DZIP3: variants seen among roughly 807,000 people sequenced by gnomAD.
DZIP3 encodes the protein E3 ubiquitin-protein ligase DZIP3.
In DZIP3, 118 loss-of-function variants were observed where a neutral mutation model predicts 162.0. That is an observed-to-expected ratio of 0.73 (90% CI 0.63 to 0.85). The LOEUF (loss-of-function observed/expected upper bound fraction) is 0.85. Ranked by LOEUF, DZIP3 falls within the 40% of genes least tolerant of loss-of-function variation. The pLI is 0.00. For missense variants in DZIP3, 1,331 were observed against 1,407.0 expected (o/e 0.95, Z 0.86); for synonymous variants, 438 against 458.6 (o/e 0.96, Z 0.57).
At chr3:108,630,730 T>C (rs1465999268) in intron 8 of DZIP3, among the ~76,000 whole-genome samples, 13 of 152,034 alleles carry the variant, frequency 8.6e-5, no homozygotes, top group Admixed American at 7.2e-4. Flanking sequence ...GCTTTCTTTA[T>C]TATCTAACTT....
intron 8 of DZIP3, among the ~76,000 whole-genome samples, chr3:108,631,055 A>ACATACACTCTCT: frequency 5.6e-5 from 1 of 18,006 alleles, no homozygotes. Context: ...ACACACACAC[A>ACATACACTCTCT]CTCTCTCTCT....
At chr3:108,687,816 T>C (rs1944548259) in intron 28 of DZIP3, among the ~76,000 whole-genome samples, 160 bp from the exon 29 acceptor site, 1 of 152,214 alleles carries the variant, frequency 6.6e-6, no homozygotes, top group South Asian at 2.1e-4. Flanking sequence ...TAAATGCAGA[T>C]GGACCTGTGA....
At chr3:108,680,143 C>T (rs942424546) in intron 26 of DZIP3, among the ~76,000 whole-genome samples, 2 of 151,970 alleles carry the variant, frequency 1.3e-5, no homozygotes, top group Non-Finnish European at 1.5e-5. Flanking sequence ...AGGTACATAC[C>T]TCAACACAAT....
intron 15 of DZIP3, among the ~76,000 whole-genome samples, chr3:108,647,122 G>A (rs1942657556): frequency 6.6e-6 from 1 of 152,152 alleles, no homozygotes; most frequent in Non-Finnish European, 1.5e-5. Context: ...TCTGCCTTTG[G>A]CTTAGTGCAT....
At chr3:108,663,044 T>C (rs1943511133) in intron 21 of DZIP3, among the ~76,000 whole-genome samples, 1 of 152,150 alleles carries the variant, frequency 6.6e-6, no homozygotes, top group Non-Finnish European at 1.5e-5. Context: ...GGGGAAATAT[T>C]TGCCAGAGAT....
At chr3:108,652,873 A>G (rs1942927726) in intron 18 of DZIP3, among the ~76,000 whole-genome samples, 1 of 151,968 alleles carries the variant, frequency 6.6e-6, no homozygotes, top group Admixed American at 6.6e-5. Context: ...CCTAGGAGCA[A>G]TATGTGTAGT....
rs1219822298 is a variant in DZIP3, at chr3:108,688,113, AC to A, written c.3270+19del. The A allele has an allele frequency of 6.2e-7, 1 of 1,612,438 alleles. No homozygotes were observed. The highest frequency in any genetic ancestry group is 8.5e-7 in the Non-Finnish European group (1 of 1,179,022). ...AAGTCTCAGGTAAAATGCAAAAACA[AC>A]CAAAAAACCTGTATCTCTCTGCCCT... On this transcript the variant is annotated intron_variant, in intron 29 of 32. Coordinates refer to ENST00000361582, the MANE Select transcript of DZIP3 (RefSeq NM_014648.4).
At chr3:108,611,741 G>A (rs1304067941) in intron 4 of DZIP3, among the ~76,000 whole-genome samples, 4 of 152,132 alleles carry the variant, frequency 2.6e-5, no homozygotes, top group African/African-American at 4.8e-5. Context: ...CGAGGTGAGT[G>A]GATCACTGAG....
intron 12 of DZIP3, among the ~76,000 whole-genome samples, chr3:108,640,967 T>A (rs1226479093): frequency 6.6e-6 from 1 of 152,106 alleles, no homozygotes; most frequent in Non-Finnish European, 1.5e-5. Context: ...TTTATTCCAT[T>A]TGTATTTTCT....
intron 7 of DZIP3, among the ~76,000 whole-genome samples, chr3:108,627,878 A>G (rs931157016): frequency 5.9e-5 from 9 of 151,776 alleles, no homozygotes; most frequent in African/African-American, 2.2e-4. Context: ...GCAATGAGGT[A>G]AGGGAAGTTT....
At position 108,633,092 on chromosome 3, in the gene DZIP3, A is replaced by T. The variant is rs1261185374; in HGVS notation, c.816+20A>T. The T allele has an allele frequency of 2.3e-6, 3 of 1,314,510 alleles. No homozygotes were observed. The highest frequency in any genetic ancestry group is 4.1e-4 in the Middle Eastern group (2 of 4,872). 81.4% of individuals were successfully genotyped at this position (1,314,510 alleles called of 1,614,324 possible). A position where few individuals can be genotyped will look rare whatever the true frequency, so the allele number is the denominator to read the frequency against. On this transcript the variant is annotated intron_variant, in intron 9 of 32. Coordinates refer to ENST00000361582, the MANE Select transcript of DZIP3 (RefSeq NM_014648.4). ...TATAAGGTACTGTAATTGTCAATTA[A>T]CAGTATTTTTAAAAAGTAATTGAAA... is the stretch of plus-strand genomic sequence containing the variant.
At chr3:108,690,683 G>A (rs1944657329) in intron 31 of DZIP3, 104 bp from the exon 32 acceptor site, 5 of 1,009,520 alleles carry the variant, frequency 5.0e-6, no homozygotes, top group Non-Finnish European at 7.5e-6. Context: ...AGGCTTTAAA[G>A]ATCCACCAGA....
At chr3:108,623,035 C>A (rs1941437171) in intron 5 of DZIP3, among the ~76,000 whole-genome samples, 1 of 151,730 alleles carries the variant, frequency 6.6e-6, no homozygotes, top group Admixed American at 6.6e-5. Context: ...TGCCTTGCTA[C>A]CACCTATACT....
intron 5 of DZIP3, among the ~76,000 whole-genome samples, chr3:108,617,978 A>G (rs1941107597): frequency 6.6e-6 from 1 of 152,206 alleles, no homozygotes; most frequent in Non-Finnish European, 1.5e-5. Context: ...CAGAAGTGGC[A>G]TTGTGATGAT....
intron 21 of DZIP3, among the ~76,000 whole-genome samples, chr3:108,665,691 A>G (rs889331097): frequency 3.3e-5 from 5 of 152,148 alleles, no homozygotes; most frequent in East Asian, 1.9e-4. Context: ...AAAACAAAAG[A>G]CAAAGAAAAG....
In DZIP3 at chr3:108,662,186, G is replaced by C; in HGVS notation, c.2352G>C (p.Gln784His). Residue 784 changes from glutamine to histidine, a missense_variant, in exon 21 of 33, where the codon CAG (glutamine) becomes CAC (histidine). Around this residue, in one of 2 missense-constraint regions of DZIP3, gnomAD observed 1,278 missense variants for 1,317.1 expected, o/e 0.97. Transcript: ENST00000361582. Reference sequence around the variant, plus strand: ...TTCGGTGGCAAGAAAACCAAATGCAGATTAAAAAGAAAGACAAAATTATCG... The same window carrying C: ...TTCGGTGGCAAGAAAACCAAATGCACATTAAAAAGAAAGACAAAATTATCG... ...VTFRWQENQMQIKKKDKIIAS... is the reference protein window; with the variant it reads ...VTFRWQENQMHIKKKDKIIAS... 6.2e-7 allele frequency: 1 copy of C among 1,609,178 alleles called. No individual in the cohort carries two copies. The highest frequency in any genetic ancestry group is 8.5e-7 in the Non-Finnish European group (1 of 1,178,686).
At chr3:108,656,711 C>T (rs1332275924) in intron 19 of DZIP3, among the ~76,000 whole-genome samples, 6 of 152,042 alleles carry the variant, frequency 3.9e-5, no homozygotes, top group East Asian at 1.9e-4. Context: ...GGAGGAAGTT[C>T]GAACCCATGG....
chr3:108,673,125 C>T (rs1943984187), intron 23 of DZIP3, among the ~76,000 whole-genome samples: 1 of 151,916 alleles, frequency 6.6e-6, no homozygotes, highest in South Asian at 2.1e-4. Context: ...TAGGGTCTCT[C>T]AAAAGAAATA....
At chr3:108,628,027 C>T (rs1263416991) in intron 7 of DZIP3, among the ~76,000 whole-genome samples, 2 of 152,100 alleles carry the variant, frequency 1.3e-5, no homozygotes, top group Non-Finnish European at 2.9e-5. Context: ...TACAGGCATG[C>T]GCCATCATGC....
Sources: gnomAD v4.1 joint callset for allele counts (sites outside exome capture counted in the v4.1 genomes callset) on GRCh38, gnomAD v4.1.1 for gene constraint, gnomAD v4.1.1 regional missense constraint, MANE v1.5 for transcripts, NCBI Gene and HGNC (gene_info 2026-07-23, HGNC 2026-07-21) for gene names.